EYA2: variants seen among roughly 807,000 people sequenced by gnomAD.
The protein encoded by EYA2 is EYA transcriptional coactivator and phosphatase 2.
Under a neutral mutation model 69.2 loss-of-function variants are expected in EYA2, and 31 were observed. The ratio of observed to expected loss-of-function variants is 0.45; its 90% CI spans 0.34 to 0.60. The LOEUF is 0.60. Ranked by LOEUF, EYA2 falls within the 20% of genes least tolerant of loss-of-function variation. EYA2 has a pLI of 0.02. For missense variants in EYA2, 622 were observed against 701.2 expected (o/e 0.89, Z 1.28); for synonymous variants, 257 against 279.4 (o/e 0.92, Z 0.80).
At chr20:46,994,905 CT>C (rs3091998) in intron 2 of EYA2, among the ~76,000 whole-genome samples, 7 of 147,134 alleles carry the variant, frequency 4.8e-5, no homozygotes, top group East Asian at 2.0e-4. Context: ...CTAATTTGTT[CT>C]TTTTTTTTTT....
intron 1 of EYA2, among the ~76,000 whole-genome samples, chr20:46,943,113 G>A (rs1986223424): frequency 6.6e-6 from 1 of 152,194 alleles, no homozygotes; most frequent in Admixed American, 6.5e-5. Context: ...AACCAGGAGT[G>A]ACTCTGCCCC....
intron 5 of EYA2, among the ~76,000 whole-genome samples, chr20:47,045,337 A>G (rs528733424): frequency 1.1e-4 from 16 of 152,292 alleles, no homozygotes; most frequent in Middle Eastern, 3.4e-3. Context: ...ACTGGGTTCT[A>G]AGGAAAAGAA....
At chr20:47,159,875 A>G (rs59281156) in intron 10 of EYA2, among the ~76,000 whole-genome samples, 1,864 of 152,128 alleles carry the variant, frequency 0.012, 32 homozygotes, top group African/African-American at 0.043. Flanking sequence ...CTGTAATCCC[A>G]GCTACTTGGG....
intron 5 of EYA2, among the ~76,000 whole-genome samples, chr20:47,038,762 C>T (rs1011304749): frequency 2.6e-5 from 4 of 152,170 alleles, no homozygotes; most frequent in Non-Finnish European, 5.9e-5. Context: ...CAACTAGTCC[C>T]CGTTCCCCGC....
At chr20:47,016,550 TGGTCTTTGCATAAAGA>T (rs1383678678) in intron 5 of EYA2, among the ~76,000 whole-genome samples, 1 of 152,188 alleles carries the variant, frequency 6.6e-6, no homozygotes, top group Non-Finnish European at 1.5e-5. Flanking sequence ...CAAATAAACC[TGGTCTTTGCATAAAGA>T]GTGATGAGCA....
intron 9 of EYA2, among the ~76,000 whole-genome samples, chr20:47,110,144 C>G (rs1437663296): frequency 6.6e-6 from 1 of 152,190 alleles, no homozygotes; most frequent in East Asian, 1.9e-4. Flanking sequence ...ATACTCATTT[C>G]CAGAGAAACT....
intron 9 of EYA2, among the ~76,000 whole-genome samples, chr20:47,120,207 CA>C (rs539637891): frequency 6.1e-5 from 9 of 148,242 alleles, no homozygotes; most frequent in East Asian, 2.0e-4. Flanking sequence ...GACTCCGCCT[CA>C]AAAAAAAAAT....
At chr20:47,129,437 G>A (rs573803709) in intron 9 of EYA2, among the ~76,000 whole-genome samples, 3 of 152,320 alleles carry the variant, frequency 2.0e-5, no homozygotes, top group African/African-American at 7.2e-5. Context: ...CCTGGGAAGA[G>A]GGGATTTCAG....
intron 1 of EYA2, among the ~76,000 whole-genome samples, chr20:46,956,422 AGTAACAGTGTTCCTG>A (rs1979129908): frequency 6.6e-6 from 1 of 152,238 alleles, no homozygotes; most frequent in Non-Finnish European, 1.5e-5. Context: ...CCTAAGGACC[AGTAACAGTGTTCCTG>A]GTAGATGGGT....
At chr20:47,161,481 T>G (rs948231037) in intron 10 of EYA2, 1 of 450,814 alleles carries the variant, frequency 2.2e-6, no homozygotes, top group African/African-American at 2.0e-5. Flanking sequence ...GAAGAAGAGA[T>G]AGATCTCCTC....
At chr20:47,130,383 G>A (rs891164329) in intron 9 of EYA2, among the ~76,000 whole-genome samples, 5 of 138,498 alleles carry the variant, frequency 3.6e-5, no homozygotes, top group Non-Finnish European at 6.0e-5. Flanking sequence ...TCCTGCCTCA[G>A]CCTCCCGAGT....
chr20:46,935,703 T>C (rs982347953), intron 1 of EYA2, among the ~76,000 whole-genome samples: 1 of 152,104 alleles, frequency 6.6e-6, no homozygotes, highest in Non-Finnish European at 1.5e-5. Context: ...AAATAAATCA[T>C]GGTAAGTCCT....
At position 47,172,940 on chromosome 20, in the gene EYA2, T is replaced by C. The variant is rs531189354; in HGVS notation, c.1198+73T>C. The C allele has an allele frequency of 1.6e-4, 235 of 1,505,950 alleles. No homozygotes were observed. In the African/African-American group the frequency reaches 3.5e-3, roughly 22 times the overall value. 93.3% of individuals were successfully genotyped at this position (1,505,950 alleles called of 1,614,324 possible). A position where few individuals can be genotyped will look rare whatever the true frequency, so the allele number is the denominator to read the frequency against. ...ATGGATGCTGTCAGTGTCCCTGCTG[T>C]GCCAGGCGCCAGGCAGAGAGGTTCA... is the stretch of plus-strand genomic sequence containing the variant. On this transcript the variant is annotated intron_variant, in intron 12 of 15. Transcript: ENST00000327619.
intron 10 of EYA2, among the ~76,000 whole-genome samples, chr20:47,152,125 T>C (rs1410163076): frequency 6.6e-6 from 1 of 151,978 alleles, no homozygotes; most frequent in Non-Finnish European, 1.5e-5. Context: ...AGCACTTAAT[T>C]CTCACCTCCT....
chr20:46,930,846 T>C (rs368208716), intron 1 of EYA2, among the ~76,000 whole-genome samples: 1 of 152,204 alleles, frequency 6.6e-6, no homozygotes, highest in African/African-American at 2.4e-5. Flanking sequence ...TATGGAAATA[T>C]CAGCCCATCT....
chr20:47,165,242 A>G (rs1394975636), intron 10 of EYA2, among the ~76,000 whole-genome samples: 1 of 152,064 alleles, frequency 6.6e-6, no homozygotes, highest in Non-Finnish European at 1.5e-5. Context: ...AAAAAAGATC[A>G]CTCCTTCTTG....
chr20:46,929,500 C>T (rs1169628639), intron 1 of EYA2, among the ~76,000 whole-genome samples: 1 of 151,878 alleles, frequency 6.6e-6, no homozygotes, highest in Non-Finnish European at 1.5e-5. Context: ...TTCAACTTCA[C>T]ACCATTTAGA....
At chr20:46,906,929 T>TA (rs1194146702) in intron 1 of EYA2, among the ~76,000 whole-genome samples, 2 of 152,208 alleles carry the variant, frequency 1.3e-5, no homozygotes, top group African/African-American at 4.8e-5. Flanking sequence ...TTCAGTTTCT[T>TA]ACAAGGATGT....
chr20:46,975,898 A>C (rs893429131), intron 1 of EYA2, among the ~76,000 whole-genome samples: 3 of 152,228 alleles, frequency 2.0e-5, no homozygotes, highest in African/African-American at 7.2e-5. Context: ...TTGTATGCCA[A>C]GCTCATATGA....
Sources: gnomAD v4.1 joint callset for allele counts (sites outside exome capture counted in the v4.1 genomes callset) on GRCh38, gnomAD v4.1.1 for gene constraint, MANE v1.5 for transcripts, NCBI Gene and HGNC (gene_info 2026-07-23, HGNC 2026-07-21) for gene names.